The following UBE3B variants were observed in gnomAD, a reference collection of about 807,000 sequenced individuals.
UBE3B encodes ubiquitin protein ligase E3B, also known as ubiquitin-protein ligase E3B.
A neutral mutation model predicts 132.3 loss-of-function variants in UBE3B; 80 were observed. That is an observed-to-expected ratio of 0.60 (90% confidence interval 0.50 to 0.73). The LOEUF (loss-of-function observed/expected upper bound fraction) is 0.73. Ranked by LOEUF, UBE3B falls within the 30% of genes least tolerant of loss-of-function variation. The pLI, the probability that UBE3B is intolerant of heterozygous loss-of-function variation, is 0.00. For missense variants in UBE3B, 1,196 were observed against 1,362.5 expected (o/e 0.88, Z 1.92); for synonymous variants, 487 against 520.4 (o/e 0.94, Z 0.87).
intron 1 of UBE3B, among the ~76,000 whole-genome samples, chr12:109,478,717 G>A (rs1198666220): frequency 6.6e-6 from 1 of 152,238 alleles, no homozygotes; most frequent in East Asian, 1.9e-4. Context: ...GGAGGCGGAG[G>A]TTGCAGTGAG....
chr12:109,545,846 TCCCCAAGGCTGCAGAGCAGCAGCTGC>T, the UBE3B span, among the ~76,000 whole-genome samples: 1 of 152,088 alleles, frequency 6.6e-6, no homozygotes, highest in Non-Finnish European at 1.5e-5. Context: ...AGCCCTGGTC[TCCCCAAGGCTGCAGAGCAGCAGCTGC>T]CCCCCAGGCA....
Position 109,486,580 on chromosome 12 carries a change from C to CAA in UBE3B, c.447+27_447+28dup, listed in dbSNP as rs201336062. ...GATTTTCTCAAGCAGCTCAAGGTAACAAAAAAAAAAAAAAAAAAAAAAAGC... is the reference window on the plus strand; with the variant it reads ...GATTTTCTCAAGCAGCTCAAGGTAACAAAAAAAAAAAAAAAAAAAAAAAAAGC... On this transcript the variant is annotated splice_donor_region_variant and intron_variant, in intron 6 of 27. Coordinates refer to ENST00000342494, the MANE Select transcript of UBE3B (RefSeq NM_130466.4). The CAA allele has an allele frequency of 3.4e-3, 1,926 of 562,104 alleles. No individual in the cohort carries two copies. Among genetic ancestry groups the CAA allele is most frequent in the East Asian group, 8.0e-3 (167 of 20,824 alleles). 34.8% of individuals were successfully genotyped at this position (562,104 alleles called of 1,614,324 possible).
the UBE3B span, among the ~76,000 whole-genome samples, chr12:109,543,165 C>T: frequency 6.6e-6 from 1 of 152,240 alleles, no homozygotes; most frequent in African/African-American, 2.4e-5. Context: ...ACTGTTCAGG[C>T]CTCGGGAAAT....
At chr12:109,508,698 C>A in intron 15 of UBE3B, 1 of 985,542 alleles carries the variant, frequency 1.0e-6, no homozygotes, top group Non-Finnish European at 1.2e-6. Context: ...CTGGTGAAGA[C>A]ATCCTTAATC....
At chr12:109,526,241 T>C (rs1882317711) in intron 23 of UBE3B, 117 bp from the exon 24 acceptor site, 1 of 1,012,994 alleles carries the variant, frequency 9.9e-7, no homozygotes, top group African/African-American at 1.6e-5. Context: ...TTCCCAAGCA[T>C]GTGCCATCTT....
chr12:109,499,237 T>C (rs561285335), intron 11 of UBE3B, among the ~76,000 whole-genome samples: 4 of 152,224 alleles, frequency 2.6e-5, no homozygotes, highest in African/African-American at 4.8e-5. Context: ...CCATTTCTTA[T>C]GTTAACCCTT....
Position 109,524,016 on chromosome 12 carries a change from G to T in UBE3B, c.2403G>T (p.Leu801=). The T allele has an allele frequency of 6.2e-7, 1 of 1,614,132 alleles. No individual in the cohort carries two copies. Among genetic ancestry groups the T allele is most frequent in the Non-Finnish European group, 8.5e-7 (1 of 1,180,036 alleles). ...ACGTGCCATTTGCATCCTTCTTCCT[G>T]AGCCAACTGCTTGGGCACCACCACA... ...VVDVPFASFF[L]SQLLGHHHSV... Residue 801 remains leucine (L), a synonymous_variant, in exon 22 of 28, where the codon CTG becomes CTT. Coordinates refer to ENST00000342494, the MANE Select transcript of UBE3B (RefSeq NM_130466.4).
rs1800367173 is a variant in UBE3B, at chr12:109,501,482, G to A, written c.1230G>A (p.Gln410=). ...TGAGCAAGAAGCTACTGGAGAGCCA[G>A]GAGCCAGCCCACGCACAGCCAGCAT... ...DILSKKLLES[Q]EPAHAQPASP... Residue 410 remains glutamine (Q), a synonymous_variant, in exon 13 of 28, where the codon CAG becomes CAA. Coordinates refer to ENST00000342494, the MANE Select transcript of UBE3B (RefSeq NM_130466.4). The A allele has an allele frequency of 1.9e-6, 3 of 1,614,092 alleles. No homozygotes were observed. The African/African-American group carries it at 4.0e-5, about 22-fold the overall frequency.
At chr12:109,490,429 A>G (rs1877269814) in intron 8 of UBE3B, 2 of 1,532,020 alleles carry the variant, frequency 1.3e-6, no homozygotes, top group Non-Finnish European at 1.7e-6. Context: ...TGCTGTTTAA[A>G]GGTACAATGG....
chr12:109,533,350 G>C (rs1056344534), intron 26 of UBE3B, 116 bp from the exon 27 acceptor site: 2 of 971,338 alleles, frequency 2.1e-6, no homozygotes, highest in Non-Finnish European at 3.3e-6. Flanking sequence ...CGGCTGGCTA[G>C]ACAGCAGTTA....
chr12:109,483,620 G>A lies in UBE3B; in HGVS notation c.69G>A (p.Arg23=). Residue 23 remains arginine (R), a synonymous_variant, in exon 3 of 28, where the codon AGG becomes AGA. Coordinates refer to ENST00000342494, the MANE Select transcript of UBE3B (RefSeq NM_130466.4). ...IDRARQAREE[R]LVQKERERAA... Reference sequence around the variant, plus strand: ...GAGCCCGTCAGGCACGAGAAGAAAGGCTTGTGCAGAAGGAACGGGAGCGGG... The same window carrying A: ...GAGCCCGTCAGGCACGAGAAGAAAGACTTGTGCAGAAGGAACGGGAGCGGG... The A allele has an allele frequency of 6.2e-7, 1 of 1,613,168 alleles. No homozygotes were observed. The highest frequency in any genetic ancestry group is 1.7e-5 in the Admixed American group (1 of 59,716).
At chr12:109,547,553 C>T in the UBE3B span, among the ~76,000 whole-genome samples, 2 of 152,264 alleles carry the variant, frequency 1.3e-5, no homozygotes, top group East Asian at 1.9e-4. The surrounding 1 kb of genome is among the most constrained non-coding windows in gnomAD (Gnocchi z 4.1). Context: ...ATGCCTGACC[C>T]TCTGGTGTAT....
In UBE3B at chr12:109,521,622, A is replaced by G; in HGVS notation, c.2364+71A>G. The G allele has an allele frequency of 7.5e-7, 1 of 1,340,072 alleles. No individual in the cohort carries two copies. Among genetic ancestry groups the G allele is most frequent in the Non-Finnish European group, 1.0e-6 (1 of 978,222 alleles). 83.0% of individuals were successfully genotyped at this position (1,340,072 alleles called of 1,614,324 possible). ...GTACCATGGGCTTCTTCACATACAC[A>G]TATGTGATCAGGCTTGGCCATGTAA... On this transcript the variant is annotated intron_variant, in intron 21 of 27. Transcript: ENST00000342494. This position sits in a 1 kb window ranked among gnomAD's most constrained non-coding sequence, Gnocchi z 4.2.
At chr12:109,524,150 A>C in intron 22 of UBE3B, 35 bp downstream of exon 22, 3 of 1,611,634 alleles carry the variant, frequency 1.9e-6, no homozygotes, top group Middle Eastern at 1.7e-4. Flanking sequence ...TAAGCCGAGC[A>C]CTGGTGTGAA....
At chr12:109,480,009 G>C (rs2135729667) in intron 1 of UBE3B, among the ~76,000 whole-genome samples, 1 of 152,236 alleles carries the variant, frequency 6.6e-6, no homozygotes, top group Non-Finnish European at 1.5e-5. Flanking sequence ...TGAGGAGCTT[G>C]AATCTGTTAC....
intron 18 of UBE3B, among the ~76,000 whole-genome samples, chr12:109,515,836 C>T (rs1880967967): frequency 6.6e-6 from 1 of 152,130 alleles, no homozygotes; most frequent in African/African-American, 2.4e-5. Context: ...CATGCTCTTT[C>T]TAAATAGGTT....
the UBE3B span, among the ~76,000 whole-genome samples, chr12:109,542,213 T>G: frequency 6.6e-6 from 1 of 152,166 alleles, no homozygotes; most frequent in Non-Finnish European, 1.5e-5. Flanking sequence ...CATCACTGCC[T>G]CCTCCTCACC....
chr12:109,513,199 G>A (rs1469094124), intron 18 of UBE3B, among the ~76,000 whole-genome samples: 1 of 151,992 alleles, frequency 6.6e-6, no homozygotes, highest in Non-Finnish European at 1.5e-5. Flanking sequence ...CCTCCTCCTG[G>A]ACCCGCGTGT....
At position 109,526,056 on chromosome 12, in the gene UBE3B, GTTTA is replaced by G. The variant is rs538783361; in HGVS notation, c.2569-297_2569-294del. On this transcript the variant is annotated intron_variant, in intron 23 of 27. Transcript: ENST00000342494. ...TATTCCAGGGTATGGATGTACCAGT[GTTTA>G]TTTAACCGTCCTACTCTACTCCGAA... 3.9e-5 allele frequency among the ~76,000 whole-genome samples: 6 copies of G among 152,232 alleles called. No homozygotes were observed. The South Asian group carries it at 6.2e-4, about 16-fold the overall frequency.
Sources: allele counts gnomAD v4.1 joint callset (sites outside exome capture counted in the v4.1 genomes callset), GRCh38; gene constraint gnomAD v4.1.1; non-coding constraint Gnocchi (gnomAD v3.1); transcripts MANE v1.5; gene names NCBI Gene and HGNC (gene_info 2026-07-23, HGNC 2026-07-21).